TMTC2: variants seen among roughly 807,000 people sequenced by gnomAD.
TMTC2 encodes the protein transmembrane O-mannosyltransferase targeting cadherins 2, also known as protein O-mannosyl-transferase TMTC2.
TMTC2 carries 43 observed loss-of-function variants against 82.4 expected under a neutral mutation model. The ratio of observed to expected loss-of-function variants is 0.52; its 90% CI spans 0.41 to 0.67. The LOEUF (loss-of-function observed/expected upper bound fraction) is 0.67, where lower values mean the gene tolerates loss of function less well. Ranked by LOEUF, TMTC2 falls within the 30% of genes least tolerant of loss-of-function variation. The probability of loss-of-function intolerance (pLI) is 0.00; values close to 1 mark genes in which losing one functional copy is unlikely to be tolerated. For synonymous variants in TMTC2, 408 were observed against 381.9 expected (o/e 1.07, Z -0.80); for missense variants, 919 against 1,012.4 (o/e 0.91, Z 1.25).
intron 11 of TMTC2, among the ~76,000 whole-genome samples, chr12:83,078,030 CA>C (rs1285410484): frequency 1.3e-5 from 2 of 151,882 alleles, no homozygotes; most frequent in Non-Finnish European, 2.9e-5. Flanking sequence ...GGGACAACAT[CA>C]AGGGTAGGAG....
intron 4 of TMTC2, among the ~76,000 whole-genome samples, chr12:82,952,069 G>A (rs545674198): frequency 5.3e-5 from 8 of 152,174 alleles, no homozygotes; most frequent in Non-Finnish European, 8.8e-5. Flanking sequence ...GGTATCTCCC[G>A]CGGAGCTCAG....
At chr12:82,913,569 C>T (rs1874822578) in intron 3 of TMTC2, among the ~76,000 whole-genome samples, 2 of 151,970 alleles carry the variant, frequency 1.3e-5, no homozygotes, top group South Asian at 4.2e-4. Context: ...TATCTAAGAC[C>T]ACACATCTAG....
intron 1 of TMTC2, among the ~76,000 whole-genome samples, chr12:82,840,825 G>T (rs1276961744): frequency 2.0e-5 from 3 of 152,156 alleles, no homozygotes; most frequent in Admixed American, 6.5e-5. Flanking sequence ...TGTAGCCCAG[G>T]CTGGAGTACA....
At chr12:82,840,125 T>C (rs991265916) in intron 1 of TMTC2, among the ~76,000 whole-genome samples, 4 of 152,228 alleles carry the variant, frequency 2.6e-5, no homozygotes, top group African/African-American at 9.6e-5. Flanking sequence ...GGTGAATCAC[T>C]GTAACTGAAG....
At chr12:83,113,459 G>A (rs1884658961) in intron 11 of TMTC2, among the ~76,000 whole-genome samples, 1 of 152,222 alleles carries the variant, frequency 6.6e-6, no homozygotes, top group Admixed American at 6.5e-5. Context: ...AAAATGTGCA[G>A]TAGAATGGAG....
rs750447474 is a variant in TMTC2, at chr12:83,050,952, CA to C, written c.2208del (p.Ala737GlnfsTer4). 1.9e-6 allele frequency: 3 copies of C among 1,612,812 alleles called. No individual in the cohort carries two copies. The highest frequency in any genetic ancestry group is 8.5e-7 in the Non-Finnish European group (1 of 1,179,298). ...CGTCTCATAGAAGCAGCTGAGATGGCAAAAAAAGCAGCTGAACTAGACAGCA... is the reference window on the plus strand; with the variant it reads ...CGTCTCATAGAAGCAGCTGAGATGGCAAAAAAGCAGCTGAACTAGACAGCA... Reference protein sequence around the residue: ...EARLIEAAEMAKKAAELDSTE... With the variant: ...EARLIEAAEMXKKAAELDSTE... On this transcript the variant is annotated frameshift_variant, in exon 10 of 12. Coordinates refer to ENST00000321196, the MANE Select transcript of TMTC2 (RefSeq NM_152588.3). LOFTEE classifies it high-confidence loss of function.
chr12:83,029,924 A>G (rs2137421027), intron 8 of TMTC2, among the ~76,000 whole-genome samples: 1 of 152,356 alleles, frequency 6.6e-6, no homozygotes. Context: ...ACTTAAAACT[A>G]CAACAAAGAA....
Position 82,806,636 on chromosome 12 carries a change from A to G in TMTC2, c.84-50374A>G, listed in dbSNP as rs1028759229. On this transcript the variant is annotated intron_variant, in intron 1 of 11. Coordinates refer to ENST00000321196, the MANE Select transcript of TMTC2 (RefSeq NM_152588.3). ...CAATAAGTTAATTAACACATTTGGT[A>G]TATGTATTATATACTGTTTTCTTAC... Among the ~76,000 whole-genome samples, 3 of 152,312 alleles carry G rather than the reference A, an allele frequency of 2.0e-5. No homozygotes were observed. The East Asian group carries it at 5.8e-4, about 29-fold the overall frequency.
At chr12:82,782,593 G>T (rs1877961162) in intron 1 of TMTC2, among the ~76,000 whole-genome samples, 1 of 152,156 alleles carries the variant, frequency 6.6e-6, no homozygotes, top group South Asian at 2.1e-4. Flanking sequence ...TCTCACTCAT[G>T]ATCACTTTGG....
chr12:82,918,674 A>G (rs1250765525), intron 3 of TMTC2, among the ~76,000 whole-genome samples: 2 of 152,138 alleles, frequency 1.3e-5, no homozygotes, highest in African/African-American at 2.4e-5. Context: ...TTAAATATTA[A>G]GAAATTCATT....
chr12:82,908,523 G>C (rs1874442228), intron 3 of TMTC2, among the ~76,000 whole-genome samples: 1 of 151,934 alleles, frequency 6.6e-6, no homozygotes, highest in African/African-American at 2.4e-5. Flanking sequence ...TGCATTCCTA[G>C]ATTAAGCCCA....
At chr12:83,103,986 G>GC (rs1884315280) in intron 11 of TMTC2, among the ~76,000 whole-genome samples, 1 of 152,240 alleles carries the variant, frequency 6.6e-6, no homozygotes, top group Non-Finnish European at 1.5e-5. Context: ...TCAGTCAAAT[G>GC]AAAGGGACTA....
intron 1 of TMTC2, among the ~76,000 whole-genome samples, chr12:82,763,298 T>G (rs1473977714): frequency 6.6e-6 from 1 of 151,952 alleles, no homozygotes; most frequent in East Asian, 1.9e-4. Flanking sequence ...GATTAGTACA[T>G]CCAAGAAAAA....
intron 1 of TMTC2, among the ~76,000 whole-genome samples, chr12:82,746,437 T>A (rs1875694790): frequency 6.6e-6 from 1 of 152,182 alleles, no homozygotes; most frequent in Admixed American, 6.5e-5. Flanking sequence ...ATGGGATGCA[T>A]CATATTTCAG....
chr12:82,821,665 G>T (rs2137063687), intron 1 of TMTC2, among the ~76,000 whole-genome samples: 1 of 152,196 alleles, frequency 6.6e-6, no homozygotes, highest in Non-Finnish European at 1.5e-5. Context: ...GAGGTCAGGA[G>T]TTCAAGATCA....
rs578138615 is a variant in TMTC2, at chr12:83,118,500, C to T, written c.2332-13710C>T. 5.9e-5 allele frequency among the ~76,000 whole-genome samples: 9 copies of T among 152,182 alleles called. No homozygotes were observed. The South Asian group carries it at 1.7e-3, about 28-fold the overall frequency. On this transcript the variant is annotated intron_variant, in intron 11 of 11. Coordinates refer to ENST00000321196, the MANE Select transcript of TMTC2 (RefSeq NM_152588.3). ...ATTGACTTGCATATGTTAAACCATC[C>T]CTGCATCCGTGAAATGAAACCGACT...
At chr12:83,071,862 C>T (rs899271607) in intron 11 of TMTC2, among the ~76,000 whole-genome samples, 8 of 151,738 alleles carry the variant, frequency 5.3e-5, no homozygotes, top group East Asian at 3.9e-4. Context: ...GCTCCTGTTT[C>T]GTTTTCTTAG....
intron 1 of TMTC2, among the ~76,000 whole-genome samples, chr12:82,706,644 T>A (rs1873371430): frequency 6.6e-6 from 1 of 152,220 alleles, no homozygotes; most frequent in African/African-American, 2.4e-5. Flanking sequence ...ATTAGTATTT[T>A]AAAAAGTTAA....
chr12:82,843,190 G>A (rs1469603890), intron 1 of TMTC2, among the ~76,000 whole-genome samples: 1 of 151,936 alleles, frequency 6.6e-6, no homozygotes, highest in East Asian at 1.9e-4. Context: ...GGGTTCAAGC[G>A]ATTCTCCTGT....
Sources: allele counts gnomAD v4.1 joint callset (sites outside exome capture counted in the v4.1 genomes callset), GRCh38; gene constraint gnomAD v4.1.1; transcripts MANE v1.5; gene names NCBI Gene and HGNC (gene_info 2026-07-23, HGNC 2026-07-21).